ST8SIA1: variants seen among roughly 807,000 people sequenced by gnomAD.
The protein encoded by ST8SIA1 is ST8 alpha-N-acetyl-neuraminide alpha-2,8-sialyltransferase 1.
Under a neutral mutation model 35.9 loss-of-function variants are expected in ST8SIA1, and 16 were observed. The observed-to-expected ratio is 0.45, with a 90% CI of 0.30 to 0.68. The LOEUF is 0.68. Ranked by LOEUF, ST8SIA1 falls within the 30% of genes least tolerant of loss-of-function variation. The pLI is 0.09. For synonymous variants in ST8SIA1, 170 were observed against 169.6 expected (o/e 1.00, Z -0.02); for missense variants, 383 against 453.6 (o/e 0.84, Z 1.41).
At chr12:22,321,003 G>GAAAGAAGA (rs377218947) in intron 1 of ST8SIA1, among the ~76,000 whole-genome samples, 77 of 76,594 alleles carry the variant, frequency 1.0e-3, no homozygotes, top group Non-Finnish European at 1.3e-3. Flanking sequence ...AAGAAAGAAA[G>GAAAGAAGA]AAGAAAGAAA....
chr12:22,292,171 C>T (rs1299696442), intron 1 of ST8SIA1, among the ~76,000 whole-genome samples: 1 of 151,930 alleles, frequency 6.6e-6, no homozygotes, highest in African/African-American at 2.4e-5. Context: ...TTATGAAGAA[C>T]TGAAAGTTAA....
chr12:22,266,580 G>C (rs965671769), intron 2 of ST8SIA1, among the ~76,000 whole-genome samples: 1 of 151,776 alleles, frequency 6.6e-6, no homozygotes, highest in Non-Finnish European at 1.5e-5. Flanking sequence ...CAGGAGGATT[G>C]CTTGAGGCCA....
intron 1 of ST8SIA1, among the ~76,000 whole-genome samples, chr12:22,316,914 G>A (rs191382647): frequency 0.015 from 2,321 of 151,600 alleles, 60 homozygotes; most frequent in African/African-American, 0.052. Context: ...ATTCAGTATC[G>A]GGAAAAAAAA....
At chr12:22,288,454 AGG>A (rs1481676607) in intron 1 of ST8SIA1, among the ~76,000 whole-genome samples, 1 of 152,192 alleles carries the variant, frequency 6.6e-6, no homozygotes, top group Admixed American at 6.5e-5. Flanking sequence ...AATACGTGGT[AGG>A]TGTTCTCCTT....
At chr12:22,217,300 A>T (rs1275849808) in intron 4 of ST8SIA1, among the ~76,000 whole-genome samples, 3 of 152,322 alleles carry the variant, frequency 2.0e-5, no homozygotes, top group African/African-American at 7.2e-5. Context: ...TTAAAAACAG[A>T]TATTAATTTA....
At chr12:22,223,978 C>A (rs10841980) in intron 4 of ST8SIA1, among the ~76,000 whole-genome samples, 118,635 of 152,162 alleles carry the variant, frequency 0.78, 46,444 homozygotes, top group South Asian at 0.93. Context: ...TTCAAAAGGT[C>A]GGAACATTTT....
intron 1 of ST8SIA1, among the ~76,000 whole-genome samples, chr12:22,298,145 A>G (rs1056078497): frequency 2.0e-5 from 3 of 152,188 alleles, no homozygotes; most frequent in Non-Finnish European, 4.4e-5. Context: ...CCCTTCCTCC[A>G]TATCTCACTG....
chr12:22,226,128 T>G (rs912761818), intron 4 of ST8SIA1, among the ~76,000 whole-genome samples: 1 of 152,236 alleles, frequency 6.6e-6, no homozygotes, highest in African/African-American at 2.4e-5. Flanking sequence ...ATATAGTACA[T>G]ATTTTATACT....
At chr12:22,319,739 C>G (rs887630595) in intron 1 of ST8SIA1, among the ~76,000 whole-genome samples, 15 of 152,266 alleles carry the variant, frequency 9.9e-5, no homozygotes, top group Non-Finnish European at 1.9e-4. Context: ...ATTCTTCCCT[C>G]CCCTGAAGAA....
intron 1 of ST8SIA1, among the ~76,000 whole-genome samples, chr12:22,315,858 A>G (rs1045510224): frequency 1.3e-5 from 2 of 152,164 alleles, no homozygotes; most frequent in Non-Finnish European, 2.9e-5. Context: ...CCATCGGGAT[A>G]AACAGATAAT....
intron 1 of ST8SIA1, among the ~76,000 whole-genome samples, chr12:22,303,604 A>G (rs1406692975): frequency 6.6e-6 from 1 of 152,104 alleles, no homozygotes; most frequent in Non-Finnish European, 1.5e-5. Context: ...CAATAGTTGT[A>G]TAAGTTGTTT....
chr12:22,320,996 AAAG>A lies in ST8SIA1; in HGVS notation c.236+12998_236+13000del, dbSNP rs758158464. ...GAAAGAAAGAAAGAAAGAAAGAAAG[AAAG>A]AAAGAAGAAAGAAAGAAAGAAAGAA... On this transcript the variant is annotated intron_variant, in intron 1 of 4. Transcript: ENST00000396037. Among the ~76,000 whole-genome samples the A allele has an allele frequency of 8.3e-3, 856 of 102,714 alleles. 5 individuals are homozygous for A. The highest frequency in any genetic ancestry group is 0.014 in the Middle Eastern group (3 of 218). 67.4% of individuals were successfully genotyped at this position (102,714 alleles called of 152,430 possible). A position where few individuals can be genotyped will look rare whatever the true frequency, so the allele number is the denominator to read the frequency against.
chr12:22,259,115 G>A (rs920501747), intron 2 of ST8SIA1, among the ~76,000 whole-genome samples: 5 of 151,886 alleles, frequency 3.3e-5, no homozygotes, highest in Non-Finnish European at 5.9e-5. Context: ...AGTCTCCCTG[G>A]CTTGTTCAAG....
chr12:22,284,128 T>C (rs370817696), intron 2 of ST8SIA1, among the ~76,000 whole-genome samples: 77 of 152,306 alleles, frequency 5.1e-4, no homozygotes, highest in African/African-American at 1.8e-3. Flanking sequence ...CATTCCCTAA[T>C]GTACCAGAGC....
intron 1 of ST8SIA1, among the ~76,000 whole-genome samples, chr12:22,297,490 C>T (rs1452068926): frequency 6.6e-6 from 1 of 151,920 alleles, no homozygotes; most frequent in African/African-American, 2.4e-5. Context: ...CTGAGAAAAA[C>T]TTTGGCTTTG....
intron 4 of ST8SIA1, among the ~76,000 whole-genome samples, chr12:22,241,317 T>C (rs1479951603): frequency 1.3e-5 from 2 of 152,186 alleles, no homozygotes; most frequent in African/African-American, 4.8e-5. Context: ...CGATTTCTCA[T>C]CAATGGCTTA....
chr12:22,241,063 A>ACCCTAT (rs1242567269), intron 4 of ST8SIA1, among the ~76,000 whole-genome samples: 1 of 149,864 alleles, frequency 6.7e-6, no homozygotes, highest in African/African-American at 2.5e-5. Context: ...CCTAACCCTA[A>ACCCTAT]CCCTAACCCT....
intron 4 of ST8SIA1, among the ~76,000 whole-genome samples, chr12:22,220,503 A>G (rs1865284869): frequency 6.6e-6 from 1 of 152,204 alleles, no homozygotes; most frequent in Admixed American, 6.5e-5. Flanking sequence ...CACCCCTAAT[A>G]GCAGAATTGA....
chr12:22,219,674 G>A (rs1865274925), intron 4 of ST8SIA1, among the ~76,000 whole-genome samples: 1 of 152,116 alleles, frequency 6.6e-6, no homozygotes, highest in Admixed American at 6.6e-5. Flanking sequence ...TCATTTACAG[G>A]ATCTTTAAAG....
Sources: gnomAD v4.1 joint callset for allele counts (sites outside exome capture counted in the v4.1 genomes callset) on GRCh38, gnomAD v4.1.1 for gene constraint, MANE v1.5 for transcripts, NCBI Gene and HGNC (gene_info 2026-07-23, HGNC 2026-07-21) for gene names.